The following SIPA1L3 variants were observed in gnomAD, a reference collection of about 807,000 sequenced individuals.
The protein encoded by SIPA1L3 is signal-induced proliferation-associated 1-like protein 3.
In SIPA1L3, 59 loss-of-function variants were observed where a neutral mutation model predicts 150.1. The ratio of observed to expected loss-of-function variants is 0.39; its 90% CI spans 0.32 to 0.49. SIPA1L3 has a LOEUF of 0.49. SIPA1L3 is among the 20% of genes least tolerant of loss of function. The pLI, the probability that SIPA1L3 is intolerant of heterozygous loss-of-function variation, is 0.86. For synonymous variants in SIPA1L3, 1,070 were observed against 1,077.6 expected (o/e 0.99, Z 0.14); for missense variants, 2,211 against 2,489.5 (o/e 0.89, Z 2.38).
intron 15 of SIPA1L3, among the ~76,000 whole-genome samples, chr19:38,180,630 G>A (rs1341930957): frequency 2.7e-5 from 4 of 147,088 alleles, no homozygotes; most frequent in Admixed American, 6.9e-5. Context: ...CGCGACCTCC[G>A]CCTCCCGGGT....
intron 18 of SIPA1L3, among the ~76,000 whole-genome samples, chr19:38,197,918 A>G (rs1972998882): frequency 7.7e-6 from 1 of 130,370 alleles, no homozygotes; most frequent in South Asian, 2.8e-4. Flanking sequence ...ACCCAGAGGG[A>G]GTCTTCCAGG....
chr19:37,966,184 T>C (rs2046902378), intron 1 of SIPA1L3, among the ~76,000 whole-genome samples: 1 of 152,206 alleles, frequency 6.6e-6, no homozygotes, highest in South Asian at 2.1e-4. Context: ...GCAGCCTTCA[T>C]CCAGAAACAC....
At chr19:37,987,808 C>T (rs192884338) in intron 1 of SIPA1L3, among the ~76,000 whole-genome samples, 87 of 152,186 alleles carry the variant, frequency 5.7e-4, no homozygotes, top group Non-Finnish European at 1.1e-3. Flanking sequence ...CAGCCACTGT[C>T]CCGGCGCCTT....
intron 1 of SIPA1L3, among the ~76,000 whole-genome samples, chr19:37,967,988 C>T (rs1223923597): frequency 6.6e-6 from 1 of 151,532 alleles, no homozygotes; most frequent in Non-Finnish European, 1.5e-5. Flanking sequence ...ACAAGTAAAG[C>T]CTTTAGCTCA....
chr19:38,058,122 G>T (rs1969364024), intron 2 of SIPA1L3, among the ~76,000 whole-genome samples: 1 of 152,170 alleles, frequency 6.6e-6, no homozygotes, highest in Non-Finnish European at 1.5e-5. Context: ...TCTCCTGAGG[G>T]CCTGGTGTCC....
chr19:38,171,549 C>A (rs1473768353), intron 15 of SIPA1L3, among the ~76,000 whole-genome samples: 1 of 151,798 alleles, frequency 6.6e-6, no homozygotes, highest in Middle Eastern at 3.2e-3. Flanking sequence ...CCTGCCACCA[C>A]GCCCGGCTAA....
intron 1 of SIPA1L3, among the ~76,000 whole-genome samples, chr19:37,920,026 A>G (rs1301972581): frequency 6.7e-6 from 1 of 149,426 alleles, no homozygotes; most frequent in Non-Finnish European, 1.5e-5. Flanking sequence ...TGAGGCTTTA[A>G]TACCCCTCTG....
chr19:38,148,580 T>A (rs1971750563), intron 12 of SIPA1L3, among the ~76,000 whole-genome samples: 1 of 152,178 alleles, frequency 6.6e-6, no homozygotes, highest in Admixed American at 6.5e-5. Context: ...TGCCCAGGCA[T>A]CCTGTCATTC....
chr19:38,047,719 G>A lies in SIPA1L3; in HGVS notation c.-311+18563G>A, dbSNP rs758431573. The stretch of plus-strand genomic sequence containing the variant: ...GATGCTGACGGAGGGATGTGACACC[G>A]CAGCCAGCCAGGTCTCCTCATGGAG... On this transcript the variant is annotated intron_variant, in intron 2 of 21. Transcript: ENST00000222345. This position sits in a 1 kb window ranked among gnomAD's most constrained non-coding sequence, Gnocchi z 4.7. Among the ~76,000 whole-genome samples the A allele has an allele frequency of 3.9e-5, 6 of 152,122 alleles. No homozygotes were observed. The highest frequency in any genetic ancestry group is 7.4e-5 in the Non-Finnish European group (5 of 68,026).
intron 1 of SIPA1L3, among the ~76,000 whole-genome samples, chr19:38,002,717 CAAAAAAA>C (rs55737969): frequency 8.1e-5 from 5 of 61,420 alleles, no homozygotes; most frequent in Non-Finnish European, 1.2e-4. Flanking sequence ...GACTCCATCT[CAAAAAAA>C]AAAAAAAAAA....
intron 15 of SIPA1L3, among the ~76,000 whole-genome samples, chr19:38,167,765 G>A (rs892622263): frequency 6.6e-6 from 1 of 152,112 alleles, no homozygotes; most frequent in African/African-American, 2.4e-5. Flanking sequence ...GGGTCTCACT[G>A]TGTTGCCAAG....
intron 1 of SIPA1L3, among the ~76,000 whole-genome samples, chr19:37,955,640 G>A (rs1485567208): frequency 2.0e-5 from 3 of 152,146 alleles, no homozygotes; most frequent in Admixed American, 2.0e-4. Flanking sequence ...AGTCTTTTCT[G>A]TACCAGGCTT....
At position 38,058,589 on chromosome 19, in the gene SIPA1L3, C is replaced by T. The variant is rs575911844; in HGVS notation, c.-310-22667C>T. 3.3e-4 allele frequency among the ~76,000 whole-genome samples: 50 copies of T among 152,186 alleles called. No homozygotes were observed. The South Asian group carries it at 3.3e-3, about 10-fold the overall frequency. ...CCCGCAATGTTTGTGTTCATCCAGGCGAAGTGGCCCTGCAGGTTCTGGGAG... is the reference window on the plus strand; with the variant it reads ...CCCGCAATGTTTGTGTTCATCCAGGTGAAGTGGCCCTGCAGGTTCTGGGAG... On this transcript the variant is annotated intron_variant, in intron 2 of 21. Coordinates refer to ENST00000222345, the MANE Select transcript of SIPA1L3 (RefSeq NM_015073.3).
chr19:38,080,868 G>A (rs968892424), intron 2 of SIPA1L3, among the ~76,000 whole-genome samples: 2 of 151,982 alleles, frequency 1.3e-5, no homozygotes, highest in Admixed American at 1.3e-4. Flanking sequence ...TACTTGGGAG[G>A]CTGAGGCAGG....
chr19:38,146,266 G>T (rs1322836201), intron 12 of SIPA1L3, among the ~76,000 whole-genome samples: 1 of 152,106 alleles, frequency 6.6e-6, no homozygotes, highest in Non-Finnish European at 1.5e-5. Context: ...ATGTCCTTAA[G>T]GTTCATCCAC....
intron 1 of SIPA1L3, among the ~76,000 whole-genome samples, chr19:38,016,219 A>G (rs1256728955): frequency 6.6e-6 from 1 of 152,232 alleles, no homozygotes; most frequent in Non-Finnish European, 1.5e-5. Flanking sequence ...TGCATGAAGT[A>G]ACAAATACTC....
intron 1 of SIPA1L3, among the ~76,000 whole-genome samples, chr19:38,004,975 C>T (rs1012837967): frequency 2.0e-5 from 3 of 152,144 alleles, no homozygotes; most frequent in Non-Finnish European, 2.9e-5. Context: ...AGAGAGTCAC[C>T]GCATGTTCTC....
At chr19:38,172,977 A>G (rs1972359165) in intron 15 of SIPA1L3, among the ~76,000 whole-genome samples, 2 of 151,992 alleles carry the variant, frequency 1.3e-5, no homozygotes, top group South Asian at 4.2e-4. Context: ...TGGCACACGC[A>G]TGTTGTCCCA....
intron 14 of SIPA1L3, among the ~76,000 whole-genome samples, chr19:38,163,300 G>A (rs905520049): frequency 6.6e-6 from 1 of 152,036 alleles, no homozygotes; most frequent in African/African-American, 2.4e-5. Context: ...GACCAGCCTG[G>A]GCAACCTAGT....
Sources: allele counts gnomAD v4.1 joint callset (sites outside exome capture counted in the v4.1 genomes callset), GRCh38; gene constraint gnomAD v4.1.1; non-coding constraint Gnocchi (gnomAD v3.1); transcripts MANE v1.5; gene names NCBI Gene and HGNC (gene_info 2026-07-23, HGNC 2026-07-21).